Variants in ANKFN1 observed in about 807,000 individuals in gnomAD.
ANKFN1 encodes ankyrin repeat and fibronectin type-III domain-containing protein 1.
Under a neutral mutation model 108.7 loss-of-function variants are expected in ANKFN1, and 74 were observed. That is an observed-to-expected ratio of 0.68 (90% CI 0.56 to 0.83). The LOEUF is 0.83. Ranked by LOEUF, ANKFN1 falls within the 40% of genes least tolerant of loss-of-function variation. The probability of loss-of-function intolerance (pLI) is 0.00; values close to 1 mark genes in which losing one functional copy is unlikely to be tolerated. For synonymous variants in ANKFN1, 547 were observed against 516.2 expected, an observed-to-expected ratio of 1.06 and a Z score of -0.81; for missense variants, 1,505 against 1,382.3, an observed-to-expected ratio of 1.09 and a Z score of -1.41.
chr17:56,228,607 A>C (rs949214272), intron 3 of ANKFN1: 2 of 152,078 alleles, frequency 1.3e-5, no homozygotes, highest in East Asian at 3.9e-4. Flanking sequence ...AATGAAGGTA[A>C]GAATAATTTT....
chr17:56,171,275 A>G (rs905919076), intron 1 of ANKFN1, among the ~76,000 whole-genome samples: 6 of 152,058 alleles, frequency 3.9e-5, no homozygotes, highest in African/African-American at 1.5e-4. Context: ...AGTGCTGGGG[A>G]GACCGGAGCC....
In ANKFN1 at chr17:56,492,373, G is replaced by A. The variant is rs897961561; in HGVS notation, c.2427+20G>A. 4 of 696,852 alleles carry A rather than the reference G, an allele frequency of 5.7e-6. No individual in the cohort carries two copies. Among genetic ancestry groups the A allele is most frequent in the African/African-American group, 1.8e-5 (1 of 57,076 alleles). The allele number at this position is 696,852 out of a possible 1,614,324, so 43.2% of individuals were successfully genotyped here. On this transcript the variant is annotated intron_variant, in intron 19 of 20. Transcript: ENST00000682825. Reference sequence around the variant, plus strand: ...ATTCAGGTAATTGTTTGTTCCTTCTGGGGTAAAAGGAAGGGAGAAGAGGCA... The same window carrying A: ...ATTCAGGTAATTGTTTGTTCCTTCTAGGGTAAAAGGAAGGGAGAAGAGGCA...
At chr17:56,221,110 CAGAGCA>C (rs1353970863) in intron 2 of ANKFN1, among the ~76,000 whole-genome samples, 1 of 151,962 alleles carries the variant, frequency 6.6e-6, no homozygotes, top group Non-Finnish European at 1.5e-5. Context: ...GTCACATGGC[CAGAGCA>C]AGAGCAAGAG....
chr17:56,432,940 A>G (rs1248845708), intron 8 of ANKFN1, among the ~76,000 whole-genome samples: 1 of 152,164 alleles, frequency 6.6e-6, no homozygotes, highest in Non-Finnish European at 1.5e-5. Flanking sequence ...TAGCATTTAT[A>G]CAATGATATG....
At chr17:56,297,249 T>C (rs537273830) in intron 3 of ANKFN1, among the ~76,000 whole-genome samples, 1 of 152,288 alleles carries the variant, frequency 6.6e-6, no homozygotes, top group African/African-American at 2.4e-5. Context: ...GAGAGGAGCT[T>C]CGGAGCCAGA....
At chr17:56,348,005 G>T (rs1048042102) in intron 4 of ANKFN1, among the ~76,000 whole-genome samples, 5 of 152,138 alleles carry the variant, frequency 3.3e-5, no homozygotes, top group Middle Eastern at 3.4e-3. Flanking sequence ...TTGAACTGGG[G>T]CATTAATGCT....
At chr17:56,259,909 AAC>A (rs34951336) in intron 3 of ANKFN1, among the ~76,000 whole-genome samples, 6,627 of 138,966 alleles carry the variant, frequency 0.048, 206 homozygotes, top group African/African-American at 0.099. Context: ...CCCACCTCCA[AAC>A]ACACACACAC....
intron 4 of ANKFN1, among the ~76,000 whole-genome samples, chr17:56,061,859 A>G (rs1479333493): frequency 2.0e-5 from 3 of 152,080 alleles, no homozygotes; most frequent in East Asian, 3.9e-4. Context: ...TAGCTTTCTG[A>G]TGTGAGCATT....
chr17:56,079,290 A>G (rs1905217233), intron 4 of ANKFN1, among the ~76,000 whole-genome samples: 1 of 152,204 alleles, frequency 6.6e-6, no homozygotes, highest in African/African-American at 2.4e-5. Context: ...AATGCACTAA[A>G]ACAGTTTGAA....
At chr17:56,307,986 C>A (rs1024049673) in intron 3 of ANKFN1, among the ~76,000 whole-genome samples, 1 of 152,028 alleles carries the variant, frequency 6.6e-6, no homozygotes, top group East Asian at 1.9e-4. Flanking sequence ...GGACAAAAAA[C>A]CAAACATGAA....
At chr17:56,366,802 A>G (rs1040762398) in intron 6 of ANKFN1, among the ~76,000 whole-genome samples, 1 of 152,224 alleles carries the variant, frequency 6.6e-6, no homozygotes, top group African/African-American at 2.4e-5. Flanking sequence ...TAATATTTGC[A>G]CAACAATGAA....
chr17:56,350,989 T>G (rs1437063361), intron 5 of ANKFN1, 22 bp downstream of exon 5: 4 of 1,605,216 alleles, frequency 2.5e-6, no homozygotes, highest in Admixed American at 1.7e-5. Flanking sequence ...GTTTTTATTC[T>G]TGTGTCAGTT....
Position 56,466,337 on chromosome 17 carries a change from G to A in ANKFN1, c.1558-19G>A. On this transcript the variant is annotated intron_variant, in intron 14 of 20. Transcript: ENST00000682825. ...TAGCATAATACCCTCTATGCTACCGGTAATCCATTTGTTTCCAGAATTTAC... is the reference window on the plus strand; with the variant it reads ...TAGCATAATACCCTCTATGCTACCGATAATCCATTTGTTTCCAGAATTTAC... 6.2e-7 allele frequency: 1 copy of A among 1,608,060 alleles called. No individual in the cohort carries two copies. The highest frequency in any genetic ancestry group is 8.5e-7 in the Non-Finnish European group (1 of 1,174,550).
At chr17:56,064,887 C>T (rs868463355) in intron 4 of ANKFN1, among the ~76,000 whole-genome samples, 6 of 152,152 alleles carry the variant, frequency 3.9e-5, no homozygotes, top group Admixed American at 6.5e-5. Context: ...ATCTGTGGGT[C>T]GCACAATTCT....
chr17:56,483,831 T>C (rs901788496), intron 18 of ANKFN1, among the ~76,000 whole-genome samples: 1 of 152,158 alleles, frequency 6.6e-6, no homozygotes, highest in Non-Finnish European at 1.5e-5. Context: ...GTCTATTCGG[T>C]GCCCACTGTG....
intron 3 of ANKFN1, among the ~76,000 whole-genome samples, chr17:56,284,832 C>T (rs1308234689): frequency 6.6e-6 from 1 of 152,080 alleles, no homozygotes; most frequent in Non-Finnish European, 1.5e-5. Context: ...CCAGTCAGCC[C>T]TAAAGAGAGG....
At position 56,499,043 on chromosome 17, in the gene ANKFN1, C is replaced by CT; in HGVS notation, c.2590dup (p.Cys864LeufsTer19). 6.5e-7 allele frequency: 1 copy of CT among 1,535,718 alleles called. No homozygotes were observed. The highest frequency in any genetic ancestry group is 8.7e-7 in the Non-Finnish European group (1 of 1,146,666). On this transcript the variant is annotated frameshift_variant, in exon 20 of 21. Transcript: ENST00000682825. LOFTEE classifies it high-confidence loss of function. ...ATTCTACATCATCATCACATATAGA[C>CT]TGTCTTCCATCCCCACCCCCATCCC...
At chr17:56,300,001 G>C (rs111412509) in intron 3 of ANKFN1, among the ~76,000 whole-genome samples, 110 of 152,288 alleles carry the variant, frequency 7.2e-4, no homozygotes, top group African/African-American at 2.5e-3. Context: ...AGGATGTTCT[G>C]TACTTAAGGC....
chr17:56,424,559 A>G (rs2048499562), intron 8 of ANKFN1, among the ~76,000 whole-genome samples: 2 of 152,218 alleles, frequency 1.3e-5, no homozygotes, highest in Non-Finnish European at 2.9e-5. Flanking sequence ...TTGTAATGAG[A>G]AGTAGACAGT....
Sources: allele counts gnomAD v4.1 joint callset (sites outside exome capture counted in the v4.1 genomes callset), GRCh38; gene constraint gnomAD v4.1.1; transcripts MANE v1.5; gene names NCBI Gene and HGNC (gene_info 2026-07-23, HGNC 2026-07-21).